The following SRPK1 variants were observed in gnomAD, a reference collection of about 807,000 sequenced individuals.
SRPK1 encodes the protein SRSF protein kinase 1.
Under a neutral mutation model 89.5 loss-of-function variants are expected in SRPK1, and 52 were observed. That is an observed-to-expected ratio of 0.58 (90% CI 0.46 to 0.73). SRPK1 has a LOEUF of 0.73. Among genes scored for constraint, SRPK1 ranks in the 30% least tolerant of loss-of-function variants. SRPK1 has a pLI of 0.00. For synonymous variants in SRPK1, 255 were observed against 270.2 expected, an observed-to-expected ratio of 0.94 and a Z score of 0.55; for missense variants, 603 against 780.6, an observed-to-expected ratio of 0.77 and a Z score of 2.71.
chr6:35,837,025 A>G (rs1769195081), intron 15 of SRPK1, among the ~76,000 whole-genome samples: 1 of 152,156 alleles, frequency 6.6e-6, no homozygotes, highest in Non-Finnish European at 1.5e-5. Context: ...AGTTGTGAGG[A>G]AAAAGGGAAC....
At position 35,835,376 on chromosome 6, in the gene SRPK1, G is replaced by T; in HGVS notation, c.1896C>A (p.Pro632=). The T allele has an allele frequency of 6.2e-7, 1 of 1,613,776 alleles. No homozygotes were observed. The highest frequency in any genetic ancestry group is 8.5e-7 in the Non-Finnish European group (1 of 1,179,832). ...TCTTCTCAGGGATCAGCTCCAACAT[G>T]GGCAGTAAGAAATCTGTGAAGCCAG... The part of the protein sequence containing the change: ...EAAGFTDFLL[P]MLELIPEKRA... The change falls in exon 16 of 16, where the codon CCC becomes CCA. Residue 632 remains proline, a synonymous_variant. Transcript: ENST00000373825.
Position 35,893,065 on chromosome 6 carries a change from T to A in SRPK1, c.75-2052A>T, listed in dbSNP as rs529935035. On this transcript the variant is annotated intron_variant, in intron 2 of 15. Transcript: ENST00000373825. ...ACTGAAAACATGTCTTTGGGAAATT[T>A]ATTTAGTAATACACTGGCCCACTTT... 3.8e-3 allele frequency among the ~76,000 whole-genome samples: 572 copies of A among 152,352 alleles called. 5 individuals carry two copies. Among genetic ancestry groups the A allele is most frequent in the African/African-American group, 0.013 (553 of 41,578 alleles).
intron 2 of SRPK1, chr6:35,920,212 G>T (rs1315689680): frequency 1.2e-5 from 7 of 587,982 alleles, no homozygotes; most frequent in Middle Eastern, 2.7e-4. Flanking sequence ...GGGGAGGAAA[G>T]GTACCGGGCG....
Position 35,890,900 on chromosome 6 carries a change from C to G in SRPK1, c.188G>C (p.Cys63Ser). Residue 63 changes from cysteine to serine, a missense_variant, in exon 3 of 16, where the codon TGT becomes TCT. Cys to Ser is a moderately radical substitution (Grantham distance 112). Coordinates refer to ENST00000373825, the MANE Select transcript of SRPK1 (RefSeq NM_003137.5). ...ATACCTCTTTATGAACTTACCTTTA[C>G]AATAATCATTAGGATCTTCTTGCTC... ...DDEQEDPNDY[C>S]KGGYHLVKIG... is the part of the protein sequence containing the mutation. The G allele has an allele frequency of 6.5e-7, 1 of 1,549,078 alleles. No individual in the cohort carries two copies. Among genetic ancestry groups the G allele is most frequent in the South Asian group, 1.2e-5 (1 of 83,408 alleles).
intron 6 of SRPK1, among the ~76,000 whole-genome samples, chr6:35,875,505 C>T (rs371102948): frequency 2.6e-4 from 40 of 152,178 alleles, no homozygotes; most frequent in African/African-American, 7.9e-4. Context: ...TGAGCCACTG[C>T]GCCCGGCCAG....
intron 2 of SRPK1, among the ~76,000 whole-genome samples, chr6:35,891,989 C>A (rs143779685): frequency 6.6e-6 from 1 of 152,068 alleles, no homozygotes; most frequent in South Asian, 2.1e-4. Flanking sequence ...CAAGGCATAC[C>A]TAATCAGAAC....
At chr6:35,913,821 A>T in intron 2 of SRPK1, among the ~76,000 whole-genome samples, 1 of 149,834 alleles carries the variant, frequency 6.7e-6, no homozygotes. Flanking sequence ...AAAATAAAAG[A>T]GAGAGAAAAA....
intron 12 of SRPK1, among the ~76,000 whole-genome samples, chr6:35,858,836 T>C (rs1439360849): frequency 6.6e-6 from 1 of 152,134 alleles, no homozygotes; most frequent in Non-Finnish European, 1.5e-5. Flanking sequence ...CCAAATGACG[T>C]AATGTAGCAG....
chr6:35,900,673 C>T (rs1770723363), intron 2 of SRPK1, among the ~76,000 whole-genome samples: 1 of 152,132 alleles, frequency 6.6e-6, no homozygotes, highest in Admixed American at 6.5e-5. Flanking sequence ...TTAAGTAGGG[C>T]AAGGGGACAC....
intron 2 of SRPK1, among the ~76,000 whole-genome samples, chr6:35,911,836 C>T (rs538266341): frequency 3.9e-5 from 6 of 152,082 alleles, no homozygotes; most frequent in East Asian, 1.9e-4. Context: ...ATTTATAAAA[C>T]AGTAGCACAG....
At chr6:35,864,848 T>C (rs2127240937) in intron 12 of SRPK1, among the ~76,000 whole-genome samples, 1 of 152,314 alleles carries the variant, frequency 6.6e-6, no homozygotes, top group Middle Eastern at 3.4e-3. Flanking sequence ...TAAAGTGCTA[T>C]TCAGCCATAA....
chr6:35,864,421 A>G (rs1028770918), intron 12 of SRPK1, among the ~76,000 whole-genome samples: 1 of 152,216 alleles, frequency 6.6e-6, no homozygotes, highest in Non-Finnish European at 1.5e-5. Flanking sequence ...AAGAAGACAT[A>G]CAAATGGCAA....
intron 2 of SRPK1, among the ~76,000 whole-genome samples, chr6:35,903,961 A>G (rs1388460935): frequency 6.8e-6 from 1 of 147,798 alleles, no homozygotes; most frequent in Non-Finnish European, 1.5e-5. Context: ...GCATCACAAC[A>G]CCCAGCGAAT....
At chr6:35,869,947 G>C in intron 10 of SRPK1, 46 bp from the exon 11 acceptor site, 1 of 1,489,320 alleles carries the variant, frequency 6.7e-7, no homozygotes, top group Non-Finnish European at 8.9e-7. Context: ...ATGTGTGTGA[G>C]TGAAAGAACA....
intron 13 of SRPK1, among the ~76,000 whole-genome samples, chr6:35,855,977 T>C (rs1438548199): frequency 6.9e-6 from 1 of 145,118 alleles, no homozygotes; most frequent in Admixed American, 6.9e-5. Context: ...TCCACTTGCC[T>C]TGGCCTCCCA....
intron 2 of SRPK1, among the ~76,000 whole-genome samples, chr6:35,901,313 T>C (rs867784784): frequency 1.1e-4 from 17 of 152,194 alleles, no homozygotes; most frequent in Admixed American, 2.0e-4. Flanking sequence ...GAATCCAACA[T>C]GACTACTGTC....
intron 12 of SRPK1, among the ~76,000 whole-genome samples, chr6:35,865,594 A>G (rs1282774027): frequency 1.3e-5 from 2 of 152,208 alleles, no homozygotes; most frequent in African/African-American, 2.4e-5. Context: ...ATTAAAATAG[A>G]TACACAGATC....
At chr6:35,871,861 C>G (rs1214193564) in intron 8 of SRPK1, among the ~76,000 whole-genome samples, 1 of 152,172 alleles carries the variant, frequency 6.6e-6, no homozygotes, top group East Asian at 1.9e-4. Flanking sequence ...CCTGCCCCAG[C>G]CTCCTGAGTA....
intron 12 of SRPK1, among the ~76,000 whole-genome samples, chr6:35,858,659 C>T (rs1769715955): frequency 6.6e-6 from 1 of 152,120 alleles, no homozygotes; most frequent in South Asian, 2.1e-4. Context: ...TGTGCAAATC[C>T]CACCCTTCCC....
Sources: gnomAD v4.1 joint callset for allele counts (sites outside exome capture counted in the v4.1 genomes callset) on GRCh38, gnomAD v4.1.1 for gene constraint, MANE v1.5 for transcripts, NCBI Gene and HGNC (gene_info 2026-07-23, HGNC 2026-07-21) for gene names.